DYM: variants seen among roughly 807,000 people sequenced by gnomAD.
DYM encodes the protein dymeclin, also known as dyggve-Melchior-Clausen syndrome protein.
A neutral mutation model predicts 93.1 loss-of-function variants in DYM; 78 were observed. That is an observed-to-expected ratio of 0.84 (90% CI 0.70 to 1.01). DYM has a LOEUF of 1.01. Ranked by LOEUF, DYM falls within the 50% of genes least tolerant of loss-of-function variation. The pLI, the probability that DYM is intolerant of heterozygous loss-of-function variation, is 0.00. For synonymous variants in DYM, 321 were observed against 319.7 expected (o/e 1.00, Z -0.04); for missense variants, 789 against 845.0 (o/e 0.93, Z 0.82).
At chr18:49,138,304 C>T (rs1176469161) in intron 15 of DYM, among the ~76,000 whole-genome samples, 1 of 152,076 alleles carries the variant, frequency 6.6e-6, no homozygotes, top group African/African-American at 2.4e-5. Context: ...ACATGCTGAA[C>T]AACAAGAATA....
chr18:49,387,818 G>A (rs972952363), intron 3 of DYM, among the ~76,000 whole-genome samples: 18 of 151,960 alleles, frequency 1.2e-4, no homozygotes, highest in African/African-American at 4.4e-4. Flanking sequence ...GTCTGGAACT[G>A]ACCCACAATA....
intron 17 of DYM, among the ~76,000 whole-genome samples, chr18:49,095,063 C>A (rs1223084659): frequency 6.6e-6 from 1 of 152,126 alleles, no homozygotes; most frequent in East Asian, 1.9e-4. Flanking sequence ...ACATCAATAT[C>A]ATGTATGAAA....
chr18:49,120,265 G>C (rs144631564), intron 15 of DYM, among the ~76,000 whole-genome samples: 282 of 152,152 alleles, frequency 1.9e-3, no homozygotes, highest in African/African-American at 6.1e-3. Flanking sequence ...ATTGCAAATA[G>C]TCCACAATAG....
At chr18:49,427,057 C>G (rs1397055284) in intron 2 of DYM, among the ~76,000 whole-genome samples, 1 of 152,098 alleles carries the variant, frequency 6.6e-6, no homozygotes, top group Non-Finnish European at 1.5e-5. Flanking sequence ...TTTGTAACCT[C>G]TTATAAAACA....
intron 6 of DYM, among the ~76,000 whole-genome samples, chr18:49,345,684 T>C (rs1271390519): frequency 6.6e-6 from 1 of 152,158 alleles, no homozygotes; most frequent in Non-Finnish European, 1.5e-5. Context: ...CTAAATCAGC[T>C]TATAGATCCT....
chr18:49,354,570 A>G (rs1028308450), intron 6 of DYM, among the ~76,000 whole-genome samples: 1 of 152,100 alleles, frequency 6.6e-6, no homozygotes, highest in African/African-American at 2.4e-5. Flanking sequence ...TAAAATATAC[A>G]AAGAACTCTC....
At chr18:49,337,300 A>G (rs1212614695) in intron 6 of DYM, among the ~76,000 whole-genome samples, 1 of 152,208 alleles carries the variant, frequency 6.6e-6, no homozygotes, top group Non-Finnish European at 1.5e-5. Context: ...TTGCCTGACC[A>G]ACATCCACCT....
chr18:49,391,699 A>G, intron 2 of DYM, 54 bp from the exon 3 acceptor site: 4 of 1,426,700 alleles, frequency 2.8e-6, no homozygotes. Flanking sequence ...AAATATGTAC[A>G]TGCTAATCAG....
intron 11 of DYM, among the ~76,000 whole-genome samples, chr18:49,262,542 G>A (rs1268156697): frequency 1.3e-5 from 2 of 152,084 alleles, no homozygotes; most frequent in Admixed American, 6.5e-5. Context: ...CACTCAGCAT[G>A]TTTCTGTAAC....
chr18:49,417,194 C>G (rs547949353), intron 2 of DYM, among the ~76,000 whole-genome samples: 2 of 152,294 alleles, frequency 1.3e-5, no homozygotes, highest in East Asian at 3.9e-4. Flanking sequence ...GTTGCCCAGG[C>G]TGGCGAAAGC....
chr18:49,454,103 C>T (rs1324543962), intron 1 of DYM, among the ~76,000 whole-genome samples: 1 of 152,128 alleles, frequency 6.6e-6, no homozygotes, highest in East Asian at 1.9e-4. Flanking sequence ...CTTAGATTGA[C>T]CCCAGGAGGA....
At chr18:49,065,440 G>T (rs1452631787) in intron 17 of DYM, among the ~76,000 whole-genome samples, 3 of 152,138 alleles carry the variant, frequency 2.0e-5, no homozygotes, top group Non-Finnish European at 4.4e-5. Flanking sequence ...TTGGCTCACC[G>T]CAACCTCCGC....
At chr18:49,230,327 T>C (rs978834510) in intron 13 of DYM, among the ~76,000 whole-genome samples, 2 of 152,202 alleles carry the variant, frequency 1.3e-5, no homozygotes, top group Admixed American at 1.3e-4. Flanking sequence ...AGCTCAATTC[T>C]AATGTCCTGT....
intron 15 of DYM, among the ~76,000 whole-genome samples, chr18:49,147,786 G>A (rs964031737): frequency 6.6e-5 from 10 of 152,232 alleles, no homozygotes; most frequent in South Asian, 2.1e-4. Flanking sequence ...TCAGTGTGGC[G>A]ATTCCTCAGG....
intron 14 of DYM, chr18:49,206,003 G>GTGTTTTT (rs2092467520): frequency 7.0e-6 from 1 of 142,310 alleles, no homozygotes; most frequent in Non-Finnish European, 1.4e-5. Flanking sequence ...TTTTTTTTTT[G>GTGTTTTT]TTTTTTTGTT....
At chr18:49,221,407 T>A (rs923237568) in intron 13 of DYM, among the ~76,000 whole-genome samples, 11 of 152,112 alleles carry the variant, frequency 7.2e-5, no homozygotes, top group African/African-American at 2.4e-4. Flanking sequence ...CATTACTGGG[T>A]ATATACCCAA....
At chr18:49,293,581 T>C (rs965963130) in intron 8 of DYM, among the ~76,000 whole-genome samples, 3 of 152,250 alleles carry the variant, frequency 2.0e-5, no homozygotes, top group African/African-American at 7.2e-5. Context: ...TGACCAGTGA[T>C]GATGAGCTTT....
intron 14 of DYM, among the ~76,000 whole-genome samples, chr18:49,185,216 T>A (rs542824146): frequency 5.3e-5 from 8 of 152,284 alleles, no homozygotes; most frequent in African/African-American, 1.9e-4. Context: ...CCAAGAAAAG[T>A]TTCATCTTTC....
In DYM at chr18:49,209,643, A is replaced by T. The variant is rs776225565; in HGVS notation, c.1533T>A (p.Ser511=). The T allele has an allele frequency of 5.4e-6, 7 of 1,289,638 alleles. No homozygotes were observed. In the Admixed American group the frequency reaches 1.4e-4, roughly 25 times the overall value. The allele number at this position is 1,289,638 out of a possible 1,614,324, so 79.9% of individuals were successfully genotyped here. Residue 511 remains serine, a synonymous_variant, in exon 14 of 18, where the codon TCT becomes TCA. Coordinates refer to ENST00000675505, the MANE Select transcript of DYM (RefSeq NM_001353214.3). ...DKLYFPHSHC[S]TLQHCFSTLS... ...GGGTCGAGAAGCAATGCTGAAGCGT[A>T]GAACAGTGAGAGTGGGGGAAATACA...
Sources: gnomAD v4.1 joint callset for allele counts (sites outside exome capture counted in the v4.1 genomes callset) on GRCh38, gnomAD v4.1.1 for gene constraint, MANE v1.5 for transcripts, NCBI Gene and HGNC (gene_info 2026-07-23, HGNC 2026-07-21) for gene names.